The following UNC80 variants were observed in gnomAD, a reference collection of about 807,000 sequenced individuals.
UNC80 encodes the protein unc-80 subunit of NALCN channel complex.
UNC80 carries 164 observed loss-of-function variants against 384.6 expected under a neutral mutation model. That is an observed-to-expected ratio of 0.43 (90% CI 0.38 to 0.49). The LOEUF is 0.49. UNC80 is among the 20% of genes least tolerant of loss of function. The pLI, the probability that UNC80 is intolerant of heterozygous loss-of-function variation, is 0.00. For missense variants in UNC80, 3,330 were observed against 4,143.0 expected (o/e 0.80, Z 5.39); for synonymous variants, 1,486 against 1,527.8 (o/e 0.97, Z 0.64).
intron 22 of UNC80, among the ~76,000 whole-genome samples, chr2:209,856,471 C>T (rs150891592): frequency 0.019 from 2,893 of 152,090 alleles, 88 homozygotes; most frequent in African/African-American, 0.066. Context: ...AATTATCCTT[C>T]ATGGCTAGCA....
chr2:209,838,159 G>A (rs1333133440), intron 18 of UNC80, among the ~76,000 whole-genome samples: 1 of 151,966 alleles, frequency 6.6e-6, no homozygotes, highest in Non-Finnish European at 1.5e-5. Context: ...GGTGATATAA[G>A]CTTTGGATAT....
At chr2:209,921,204 T>C (rs988870138) in intron 33 of UNC80, among the ~76,000 whole-genome samples, 2 of 152,314 alleles carry the variant, frequency 1.3e-5, no homozygotes, top group African/African-American at 4.8e-5. Context: ...TATTTGATCA[T>C]AATATTTAAA....
intron 47 of UNC80, among the ~76,000 whole-genome samples, chr2:209,946,366 T>G (rs575907771): frequency 7.3e-6 from 1 of 136,398 alleles, no homozygotes; most frequent in Admixed American, 7.4e-5. Context: ...TAAGACTTTG[T>G]CAGAAAAAAA....
rs151012228 is a variant in UNC80 at position 209,989,410 on chromosome 2, T to C, written c.9315-2756T>C. ...CACTACTCTGACATATCTCGACATA[T>C]AGTCTCAACTTTTCAGAGCATGAAA... On this transcript the variant is annotated intron_variant, in intron 61 of 64. Coordinates refer to ENST00000673920, the MANE Select transcript of UNC80 (RefSeq NM_001371986.1). 1.5e-3 allele frequency among the ~76,000 whole-genome samples: 226 copies of C among 152,270 alleles called. 1 individual carries two copies. Among genetic ancestry groups the C allele is most frequent in the East Asian group, 0.011 (56 of 5,186 alleles).
At chr2:209,969,129 G>C (rs548666566) in intron 52 of UNC80, 1 of 152,308 alleles carries the variant, frequency 6.6e-6, no homozygotes, top group South Asian at 2.1e-4. Flanking sequence ...CCACAGGGAT[G>C]AATCAGTACT....
At chr2:209,945,385 A>C (rs773408092) in intron 46 of UNC80, among the ~76,000 whole-genome samples, 196 bp downstream of exon 46, 1 of 152,204 alleles carries the variant, frequency 6.6e-6, no homozygotes, top group Non-Finnish European at 1.5e-5. Flanking sequence ...AATCCTAAAG[A>C]GTAAGGAATT....
At position 209,820,565 on chromosome 2, in the gene UNC80, T is replaced by C. The variant is rs1040430496; in HGVS notation, c.2217T>C (p.Asp739=). ...GCCCTGCTGTTAGTGGAGCTGGAGA[T>C]GGTGGAGGAGAAGAAGGAGGAGGTG... The part of the protein sequence containing the change: ...FGGPAVSGAG[D]GGGEEGGGGD... The change falls in exon 13 of 65, where the codon GAT becomes GAC. Residue 739 remains aspartate (D), a synonymous_variant. Transcript: ENST00000673920. The C allele has an allele frequency of 6.5e-7, 1 of 1,550,366 alleles. No individual in the cohort carries two copies.
chr2:209,829,411 A>G (rs1304022943), intron 15 of UNC80, 32 bp downstream of exon 15: 5 of 1,550,082 alleles, frequency 3.2e-6, no homozygotes, highest in Non-Finnish European at 4.4e-6. Context: ...TTCTAGGAGA[A>G]GTCGTTGTGA....
chr2:209,843,027 A>G (rs760511845), intron 21 of UNC80, among the ~76,000 whole-genome samples: 2 of 152,162 alleles, frequency 1.3e-5, no homozygotes, highest in African/African-American at 4.8e-5. Flanking sequence ...TGCAAGCTCC[A>G]TATGTTATCC....
Position 209,994,169 on chromosome 2 carries a change from G to A in UNC80, c.9613G>A (p.Ala3205Thr). 1.9e-6 allele frequency: 3 copies of A among 1,551,482 alleles called. No individual in the cohort carries two copies. The highest frequency in any genetic ancestry group is 2.6e-6 in the Non-Finnish European group (3 of 1,146,920). The change falls in exon 64 of 65, where the codon GCC (alanine) becomes ACC (threonine). Residue 3205 changes from alanine (A) to threonine (T), a missense_variant. Physicochemically the swap from Ala to Thr is moderately conservative, Grantham distance 58. Transcript: ENST00000673920. ...ATGQLQGCSP[A>T]PSRKPEAMDE... The stretch of plus-strand genomic sequence containing the variant: ...AGGCCAACTACAGGGCTGTAGCCCA[G>A]CCCCTTCTAGGAAACCAGAAGCAAT...
At chr2:209,818,935 C>T in intron 11 of UNC80, 58 bp from the exon 12 acceptor site, 1 of 1,507,878 alleles carries the variant, frequency 6.6e-7, no homozygotes, top group Middle Eastern at 1.7e-4. Flanking sequence ...GTATAACTGT[C>T]TAACTGGTAT....
At chr2:209,830,565 C>T (rs1222908484) in intron 15 of UNC80, among the ~76,000 whole-genome samples, 1 of 152,118 alleles carries the variant, frequency 6.6e-6, no homozygotes, top group African/African-American at 2.4e-5. Flanking sequence ...ATTCCTCCTG[C>T]GTTGCTTGAG....
At chr2:209,888,295 G>A (rs2086015303) in intron 26 of UNC80, 35 bp downstream of exon 26, 1 of 1,547,290 alleles carries the variant, frequency 6.5e-7, no homozygotes, top group Admixed American at 2.0e-5. Context: ...ATGTTTCAGG[G>A]TTTCTTGTTT....
At chr2:209,813,874 C>G in intron 8 of UNC80, 33 bp downstream of exon 8, 1 of 1,542,068 alleles carries the variant, frequency 6.5e-7, no homozygotes. Flanking sequence ...TCATTCAAAC[C>G]AGCAACTTTG....
intron 21 of UNC80, among the ~76,000 whole-genome samples, chr2:209,847,732 AT>A: frequency 6.6e-6 from 1 of 152,192 alleles, no homozygotes; most frequent in South Asian, 2.1e-4. Context: ...TGAAATACAT[AT>A]TCTTCATGCT....
chr2:209,880,976 C>G lies in UNC80; in HGVS notation c.3992C>G (p.Ser1331Cys). 6.4e-7 allele frequency: 1 copy of G among 1,552,090 alleles called. No homozygotes were observed. The highest frequency in any genetic ancestry group is 8.7e-7 in the Non-Finnish European group (1 of 1,147,070). ...DFLDDSTVNP[S>C]KCGCPFALKM... ...CATTTCCTAGGTACTGTGAACCCCT[C>G]TAAATGCGGTTGCCCCTTTGCCTTG... Residue 1331 changes from serine to cysteine, a missense_variant, in exon 25 of 65, where the codon TCT becomes TGT. Ser to Cys is a moderately radical substitution (Grantham distance 112). Coordinates refer to ENST00000673920, the MANE Select transcript of UNC80 (RefSeq NM_001371986.1).
chr2:209,866,921 ATAGT>A (rs2083880227), intron 22 of UNC80, among the ~76,000 whole-genome samples: 1 of 152,194 alleles, frequency 6.6e-6, no homozygotes, highest in Admixed American at 6.5e-5. Context: ...TTGACACATA[ATAGT>A]TGTGCACATT....
chr2:209,816,723 T>C (rs1201083956), intron 9 of UNC80, among the ~76,000 whole-genome samples, 186 bp from the exon 10 acceptor site: 1 of 152,192 alleles, frequency 6.6e-6, no homozygotes, highest in Non-Finnish European at 1.5e-5. Context: ...GGCCTTTTAC[T>C]TAGTTTCTTT....
At chr2:209,979,672 T>G (rs762087144) in intron 59 of UNC80, among the ~76,000 whole-genome samples, 1 of 152,204 alleles carries the variant, frequency 6.6e-6, no homozygotes, top group Non-Finnish European at 1.5e-5. Flanking sequence ...GGGTGAAAGA[T>G]TCCATTAAAA....
Sources: allele counts gnomAD v4.1 joint callset (sites outside exome capture counted in the v4.1 genomes callset), GRCh38; gene constraint gnomAD v4.1.1; transcripts MANE v1.5; gene names NCBI Gene and HGNC (gene_info 2026-07-23, HGNC 2026-07-21).